Variants in PHLPP2 observed in about 807,000 individuals in gnomAD.
PHLPP2 encodes PH domain leucine-rich repeat-containing protein phosphatase 2.
PHLPP2 carries 66 observed loss-of-function variants against 124.9 expected under a neutral mutation model. That is an observed-to-expected ratio of 0.53 (90% CI 0.43 to 0.65). PHLPP2 has a LOEUF of 0.65. Among genes scored for constraint, PHLPP2 ranks in the 30% least tolerant of loss-of-function variants. The pLI, the probability that PHLPP2 is intolerant of heterozygous loss-of-function variation, is 0.00. For synonymous variants in PHLPP2, 681 were observed against 624.7 expected (o/e 1.09, Z -1.34); for missense variants, 1,685 against 1,600.4 (o/e 1.05, Z -0.90).
intron 3 of PHLPP2, among the ~76,000 whole-genome samples, chr16:71,699,914 A>T (rs1053823810): frequency 1.3e-5 from 2 of 152,222 alleles, no homozygotes; most frequent in African/African-American, 4.8e-5. Flanking sequence ...ACATCCCACA[A>T]AGGGTGGAGC....
At chr16:71,666,909 G>A (rs532948030) in intron 12 of PHLPP2, among the ~76,000 whole-genome samples, 1 of 152,314 alleles carries the variant, frequency 6.6e-6, no homozygotes, top group South Asian at 2.1e-4. Flanking sequence ...TTTCAGAGAT[G>A]AAAGCCTGAA....
At chr16:71,660,933 A>C (rs1025626483) in intron 13 of PHLPP2, among the ~76,000 whole-genome samples, 1 of 152,160 alleles carries the variant, frequency 6.6e-6, no homozygotes, top group Non-Finnish European at 1.5e-5. Context: ...CTGCTCAGGA[A>C]ATGAACTGAT....
intron 2 of PHLPP2, among the ~76,000 whole-genome samples, chr16:71,703,053 G>A (rs1328516788): frequency 6.6e-6 from 1 of 152,092 alleles, no homozygotes; most frequent in Non-Finnish European, 1.5e-5. Flanking sequence ...TTCTGTTTCT[G>A]AGTTATTTCA....
intron 16 of PHLPP2, among the ~76,000 whole-genome samples, chr16:71,655,669 A>G (rs1431981027): frequency 1.3e-5 from 2 of 151,536 alleles, no homozygotes; most frequent in Non-Finnish European, 2.9e-5. Context: ...CGCTGGGCTA[A>G]TTTTTTTGTA....
intron 2 of PHLPP2, among the ~76,000 whole-genome samples, chr16:71,703,337 T>C (rs2045249066): frequency 6.6e-6 from 1 of 152,162 alleles, no homozygotes; most frequent in Admixed American, 6.5e-5. Context: ...GAAATTAAAA[T>C]TGAGAATTTC....
intron 1 of PHLPP2, chr16:71,723,777 C>G: frequency 7.5e-7 from 1 of 1,334,912 alleles, no homozygotes; most frequent in Non-Finnish European, 9.7e-7. Flanking sequence ...ACCTTCAGGA[C>G]CCGGATCCCT....
chr16:71,692,320 C>T (rs973940187), intron 3 of PHLPP2, among the ~76,000 whole-genome samples: 1 of 152,104 alleles, frequency 6.6e-6, no homozygotes, highest in Non-Finnish European at 1.5e-5. Context: ...CCGCCTGCCT[C>T]GGCCTCCCAA....
At position 71,676,520 on chromosome 16, in the gene PHLPP2, G is replaced by A. The variant is rs1223788893; in HGVS notation, c.1398C>T (p.His466=). ...LSSLCSLEQL[H]CGRNQLRELT... ...GCTCCCTCAGCTGATTCCGCCCACA[G>A]TGCAGCTGTTCCAAGCTGCATAAGG... The change falls in exon 9 of 19, where the codon CAC becomes CAT. Residue 466 remains histidine (H), a synonymous_variant. Transcript: ENST00000568954. 6.2e-7 allele frequency: 1 copy of A among 1,613,984 alleles called. No individual in the cohort carries two copies. The highest frequency in any genetic ancestry group is 8.5e-7 in the Non-Finnish European group (1 of 1,179,926).
intron 11 of PHLPP2, among the ~76,000 whole-genome samples, chr16:71,668,694 G>A (rs1266598816): frequency 6.6e-6 from 1 of 151,956 alleles, no homozygotes; most frequent in African/African-American, 2.4e-5. Flanking sequence ...AGCCCAGCAG[G>A]TTGATGCTGC....
chr16:71,662,195 G>A (rs933304582), intron 13 of PHLPP2, among the ~76,000 whole-genome samples: 5 of 150,778 alleles, frequency 3.3e-5, no homozygotes, highest in African/African-American at 9.7e-5. Context: ...ACTTTGGGGG[G>A]CCAAGGTGGG....
At chr16:71,692,822 G>GTT (rs10689621) in intron 3 of PHLPP2, among the ~76,000 whole-genome samples, 129,033 of 151,846 alleles carry the variant, frequency 0.85, 54,996 homozygotes, top group East Asian at 0.99. Context: ...ATTTTTCTTT[G>GTT]TTTTTTTATT....
chr16:71,671,617 T>TA, intron 10 of PHLPP2, among the ~76,000 whole-genome samples: 1 of 151,822 alleles, frequency 6.6e-6, no homozygotes, highest in South Asian at 2.1e-4. Context: ...AATAATATTT[T>TA]AAAAACCCAC....
chr16:71,659,481 C>A (rs1463172081), intron 13 of PHLPP2, among the ~76,000 whole-genome samples: 2 of 152,102 alleles, frequency 1.3e-5, no homozygotes, highest in Admixed American at 1.3e-4. Context: ...AAACTCCCAA[C>A]CTCAGGTGAT....
chr16:71,700,853 T>C (rs761928078), intron 3 of PHLPP2, among the ~76,000 whole-genome samples: 5 of 152,042 alleles, frequency 3.3e-5, no homozygotes, highest in Admixed American at 1.3e-4. Flanking sequence ...AAGTAAAAAG[T>C]GGTAAAAGTA....
At position 71,669,320 on chromosome 16, in the gene PHLPP2, T is replaced by C; in HGVS notation, c.1583A>G (p.Glu528Gly). Residue 528 changes from glutamate (E) to glycine (G), a missense_variant, in exon 11 of 19, where the codon GAA becomes GGA. Glu to Gly is a moderately conservative substitution (Grantham distance 98). Coordinates refer to ENST00000568954, the MANE Select transcript of PHLPP2 (RefSeq NM_015020.3). ...PDWACEAKKI[E>G]VLDVSYNLLT... The stretch of plus-strand genomic sequence containing the variant: ...AAGATTATAGCTCACATCTAATACT[T>C]CTATCTTCTTTGCTTCACAGGCCCA... 1 of 1,612,800 alleles carries C rather than the reference T, an allele frequency of 6.2e-7. No individual in the cohort carries two copies. Among genetic ancestry groups the C allele is most frequent in the Non-Finnish European group, 8.5e-7 (1 of 1,179,756 alleles).
In PHLPP2 at chr16:71,723,547, G is replaced by A. The variant is rs536376823; in HGVS notation, c.-7+782C>T. On this transcript the variant is annotated intron_variant, in intron 1 of 18. Coordinates refer to ENST00000568954, the MANE Select transcript of PHLPP2 (RefSeq NM_015020.3). ...GCGGCCAGGGATGGGCAGCAGCGGG[G>A]TACCGAGGCGCCGAGGCCTGGACGC... 5.7e-3 allele frequency: 1,112 copies of A among 194,794 alleles called. 26 individuals are homozygous for A. Among genetic ancestry groups the A allele is most frequent in the African/African-American group, 0.025 (1,049 of 42,368 alleles). The allele number at this position is 194,794 out of a possible 1,614,324, so 12.1% of individuals were successfully genotyped here. A position where few individuals can be genotyped will look rare whatever the true frequency, so the allele number is the denominator to read the frequency against.
intron 16 of PHLPP2, among the ~76,000 whole-genome samples, chr16:71,656,361 G>T (rs919174987): frequency 1.3e-5 from 2 of 152,200 alleles, no homozygotes; most frequent in Non-Finnish European, 2.9e-5. Context: ...ATGAAAGGGG[G>T]TGTTTGGTAT....
At chr16:71,702,178 T>C (rs2045238737) in intron 3 of PHLPP2, among the ~76,000 whole-genome samples, 1 of 152,164 alleles carries the variant, frequency 6.6e-6, no homozygotes, top group Non-Finnish European at 1.5e-5. Context: ...CCCCACTAAA[T>C]TCACCAATAT....
At chr16:71,723,841 C>A (rs1284105943) in intron 1 of PHLPP2, 2 of 1,232,232 alleles carry the variant, frequency 1.6e-6, no homozygotes, top group Non-Finnish European at 2.0e-6. Flanking sequence ...CCAGCGGGCC[C>A]GCGGGCCCCG....
Sources: allele counts gnomAD v4.1 joint callset (sites outside exome capture counted in the v4.1 genomes callset), GRCh38; gene constraint gnomAD v4.1.1; transcripts MANE v1.5; gene names NCBI Gene and HGNC (gene_info 2026-07-23, HGNC 2026-07-21).